PAPOLG: variants seen among roughly 807,000 people sequenced by gnomAD.
PAPOLG encodes the protein PAP-gamma.
In PAPOLG, 40 loss-of-function variants were observed where a neutral mutation model predicts 99.0. The ratio of observed to expected loss-of-function variants is 0.40; its 90% CI spans 0.31 to 0.53. The LOEUF is 0.53. Among genes scored for constraint, PAPOLG ranks in the 20% least tolerant of loss-of-function variants. The pLI is 0.41. For missense variants in PAPOLG, 675 were observed against 884.1 expected (o/e 0.76, Z 3.00); for synonymous variants, 310 against 299.3 (o/e 1.04, Z -0.37).
intron 8 of PAPOLG, among the ~76,000 whole-genome samples, chr2:60,775,432 G>A (rs1404644936): frequency 1.3e-5 from 2 of 152,170 alleles, no homozygotes; most frequent in Non-Finnish European, 2.9e-5. Context: ...ACGTATCTTT[G>A]TATTCACACC....
chr2:60,770,598 A>G (rs545379039), intron 6 of PAPOLG, 87 bp downstream of exon 6: 3 of 816,480 alleles, frequency 3.7e-6, no homozygotes, highest in Non-Finnish European at 3.7e-6. Context: ...ACATAAATGC[A>G]TATTTTAAAA....
chr2:60,793,699 T>C lies in PAPOLG; in HGVS notation c.1752T>C (p.Ile584=). The stretch of plus-strand genomic sequence containing the variant: ...TACCACCAGCCCAAGGACTTTCCAT[T>C]CCAGTGATTGGCGCAAGTAGGTATC... ...LSVPPAQGLS[I]PVIGAKVDST... is the part of the protein sequence containing the mutation. The change falls in exon 18 of 22, where the codon ATT becomes ATC. Residue 584 remains isoleucine, a synonymous_variant. Transcript: ENST00000238714. 6.2e-7 allele frequency: 1 copy of C among 1,613,234 alleles called. No individual in the cohort carries two copies. The highest frequency in any genetic ancestry group is 8.5e-7 in the Non-Finnish European group (1 of 1,179,436).
At chr2:60,791,088 CAA>C (rs60761169) in intron 15 of PAPOLG, among the ~76,000 whole-genome samples, 1 of 135,774 alleles carries the variant, frequency 7.4e-6, no homozygotes, top group Non-Finnish European at 1.6e-5. Flanking sequence ...GAGTCTGTGT[CAA>C]AAAAAAAAAA....
At chr2:60,787,346 A>T in intron 14 of PAPOLG, 165 bp from the exon 15 acceptor site, 1 of 434,308 alleles carries the variant, frequency 2.3e-6, no homozygotes, top group Non-Finnish European at 3.1e-6. Flanking sequence ...ACAACAGGGG[A>T]TAACTTACCA....
intron 1 of PAPOLG, among the ~76,000 whole-genome samples, chr2:60,757,303 C>A (rs1485197716): frequency 6.6e-6 from 1 of 152,202 alleles, no homozygotes; most frequent in Non-Finnish European, 1.5e-5. Context: ...ATTCCAGATA[C>A]ATCTGAAGGA....
chr2:60,780,846 C>A, intron 10 of PAPOLG, 67 bp downstream of exon 10: 2 of 1,243,032 alleles, frequency 1.6e-6, no homozygotes, highest in South Asian at 1.2e-5. Context: ...AAATTACAGT[C>A]TAGTTAAAGA....
At chr2:60,776,985 G>C (rs371128371) in intron 8 of PAPOLG, among the ~76,000 whole-genome samples, 1 of 152,174 alleles carries the variant, frequency 6.6e-6, no homozygotes, top group Non-Finnish European at 1.5e-5. Flanking sequence ...TGTGGAGATG[G>C]CTTCTTTCTT....
At position 60,793,299 on chromosome 2, in the gene PAPOLG, A is replaced by G. The variant is rs892346453; in HGVS notation, c.1680-328A>G. Among the ~76,000 whole-genome samples, 29 of 150,322 alleles carry G rather than the reference A, an allele frequency of 1.9e-4. 1 individual carries two copies. The highest frequency in any genetic ancestry group is 1.9e-3 in the Admixed American group (29 of 15,040). On this transcript the variant is annotated intron_variant, in intron 17 of 21. Transcript: ENST00000238714. ...GGGCCAGGCGTGGTGGGTCACATCT[A>G]TAATTTCAGCACTTTGGGAGGCTGA... is the stretch of plus-strand genomic sequence containing the variant.
At chr2:60,791,645 TG>T in intron 15 of PAPOLG, 115 bp from the exon 16 acceptor site, 1 of 1,193,682 alleles carries the variant, frequency 8.4e-7, no homozygotes, top group Non-Finnish European at 1.2e-6. Flanking sequence ...TGTGGGTGGG[TG>T]GGTGGCCGGT....
intron 7 of PAPOLG, among the ~76,000 whole-genome samples, chr2:60,772,507 G>C (rs1363533248): frequency 1.3e-5 from 2 of 151,158 alleles, no homozygotes; most frequent in African/African-American, 4.9e-5. Context: ...CCAGCACTTT[G>C]GCAGGCCAAG....
chr2:60,795,039 T>C lies in PAPOLG; in HGVS notation c.2112+19T>C. On this transcript the variant is annotated intron_variant, in intron 21 of 21. Coordinates refer to ENST00000238714, the MANE Select transcript of PAPOLG (RefSeq NM_022894.4). ...CAAAAAGGTAACAAGATAGTCTTGT[T>C]CATAGGTACAGTACATAGGTAAAAA... The C allele has an allele frequency of 1.3e-6, 2 of 1,590,022 alleles. No individual in the cohort carries two copies. Among genetic ancestry groups the C allele is most frequent in the Non-Finnish European group, 1.7e-6 (2 of 1,158,828 alleles).
chr2:60,793,779 C>T, intron 18 of PAPOLG, 64 bp downstream of exon 18: 1 of 1,535,190 alleles, frequency 6.5e-7, no homozygotes, highest in Admixed American at 1.9e-5. Flanking sequence ...GGCATGGTGG[C>T]ACACGCCTGT....
At chr2:60,786,895 C>T (rs759278684) in intron 13 of PAPOLG, 52 bp from the exon 14 acceptor site, 109 of 1,568,050 alleles carry the variant, frequency 7.0e-5, no homozygotes, top group Non-Finnish European at 9.1e-5. Context: ...TTGAGTGTAG[C>T]TTTCAAATTT....
chr2:60,783,125 T>C, intron 12 of PAPOLG, 31 bp from the exon 13 acceptor site: 11 of 1,533,780 alleles, frequency 7.2e-6, no homozygotes, highest in Non-Finnish European at 9.6e-6. Flanking sequence ...TTTCTGGCTT[T>C]TTTTCCTGAT....
At chr2:60,765,539 T>G (rs1455405081) in intron 3 of PAPOLG, among the ~76,000 whole-genome samples, 1 of 152,068 alleles carries the variant, frequency 6.6e-6, no homozygotes, top group Non-Finnish European at 1.5e-5. Context: ...TCACAGCCTG[T>G]AATTCTCTTT....
intron 11 of PAPOLG, 33 bp from the exon 12 acceptor site, chr2:60,782,653 C>CTTTT (rs747526129): frequency 6.0e-4 from 643 of 1,065,380 alleles, no homozygotes; most frequent in South Asian, 2.0e-3. Context: ...CATTCTTCTT[C>CTTTT]TTTTTTTTTT....
chr2:60,762,958 T>C (rs1334322779), intron 3 of PAPOLG, among the ~76,000 whole-genome samples: 1 of 151,856 alleles, frequency 6.6e-6, no homozygotes, highest in East Asian at 1.9e-4. Flanking sequence ...TTTTATTTTT[T>C]TTTGGAGACA....
intron 1 of PAPOLG, among the ~76,000 whole-genome samples, chr2:60,758,322 T>C (rs1396688947): frequency 7.3e-6 from 1 of 137,558 alleles, no homozygotes. Flanking sequence ...TATTTTGGTT[T>C]CTGGGGTTTT....
At chr2:60,760,613 A>G (rs562416512) in intron 2 of PAPOLG, among the ~76,000 whole-genome samples, 42 of 152,298 alleles carry the variant, frequency 2.8e-4, no homozygotes, top group African/African-American at 9.4e-4. Flanking sequence ...GGAGGGAGCC[A>G]TGTGTCTATC....
Sources: gnomAD v4.1 joint callset for allele counts (sites outside exome capture counted in the v4.1 genomes callset) on GRCh38, gnomAD v4.1.1 for gene constraint, MANE v1.5 for transcripts, NCBI Gene and HGNC (gene_info 2026-07-23, HGNC 2026-07-21) for gene names.